Variants in MAGI1 observed in about 807,000 individuals in gnomAD.
MAGI1 encodes the protein membrane-associated guanylate kinase, WW and PDZ domain-containing protein 1.
A neutral mutation model predicts 139.9 loss-of-function variants in MAGI1; 58 were observed. The observed-to-expected ratio is 0.41, with a 90% CI of 0.34 to 0.52. The LOEUF is 0.52. Ranked by LOEUF, MAGI1 falls within the 20% of genes least tolerant of loss-of-function variation. The pLI is 0.12. For missense variants in MAGI1, 1,874 were observed against 1,901.6 expected (o/e 0.99, Z 0.27); for synonymous variants, 812 against 737.9 (o/e 1.10, Z -1.63).
At chr3:65,374,435 A>G (rs1164436821) in intron 18 of MAGI1, among the ~76,000 whole-genome samples, 1 of 146,808 alleles carries the variant, frequency 6.8e-6, no homozygotes, top group African/African-American at 2.5e-5. Flanking sequence ...CTTCTGCCTC[A>G]GCCTCCCAAG....
chr3:65,668,742 C>T (rs569826386), intron 1 of MAGI1, among the ~76,000 whole-genome samples: 2 of 151,112 alleles, frequency 1.3e-5, no homozygotes, highest in South Asian at 2.1e-4. Context: ...TTAGTAGAGA[C>T]GGGGTTTCAC....
At position 65,501,631 on chromosome 3, in the gene MAGI1, G is replaced by T. The variant is rs949103794; in HGVS notation, c.431-8000C>A. Among the ~76,000 whole-genome samples, 3 of 152,004 alleles carry T rather than the reference G, an allele frequency of 2.0e-5. No homozygotes were observed. In the East Asian group the frequency reaches 5.8e-4, roughly 29 times the overall value. On this transcript the variant is annotated intron_variant, in intron 2 of 22. Coordinates refer to ENST00000402939, the MANE Select transcript of MAGI1 (RefSeq NM_001033057.2). ...AGAATACAAAATGGTACAACCATTT[G>T]GGGAAAGAGTTTGGCAGTTAGTTAA...
intron 1 of MAGI1, among the ~76,000 whole-genome samples, chr3:65,937,228 G>C (rs568518595): frequency 7.9e-4 from 120 of 152,234 alleles, no homozygotes; most frequent in African/African-American, 2.8e-3. Context: ...GCTGTCAAAA[G>C]AATGGCAGCC....
intron 1 of MAGI1, among the ~76,000 whole-genome samples, chr3:66,014,181 G>A (rs2067497727): frequency 6.6e-6 from 1 of 152,010 alleles, no homozygotes; most frequent in Non-Finnish European, 1.5e-5. Flanking sequence ...ACTGAAAGAG[G>A]GTACTATTAA....
chr3:65,711,995 T>C (rs1452828115), intron 1 of MAGI1, among the ~76,000 whole-genome samples: 3 of 152,208 alleles, frequency 2.0e-5, no homozygotes, highest in Admixed American at 6.6e-5. Context: ...TGGATTGATA[T>C]CTATCTCCCA....
intron 1 of MAGI1, among the ~76,000 whole-genome samples, chr3:65,946,345 C>T (rs2063544962): frequency 6.6e-6 from 1 of 152,250 alleles, no homozygotes; most frequent in African/African-American, 2.4e-5. Flanking sequence ...GACCTCCCAA[C>T]TTGGTGCCAG....
chr3:65,864,674 A>G (rs2108457385), intron 1 of MAGI1, among the ~76,000 whole-genome samples: 1 of 152,194 alleles, frequency 6.6e-6, no homozygotes, highest in Admixed American at 6.5e-5. Context: ...AGTGGGGAAC[A>G]AGACTCTGCC....
chr3:65,933,057 C>T (rs2106750278), intron 1 of MAGI1, among the ~76,000 whole-genome samples: 1 of 152,318 alleles, frequency 6.6e-6, no homozygotes, highest in Non-Finnish European at 1.5e-5. Context: ...GGGAAGCTTA[C>T]AGTTATACTT....
intron 1 of MAGI1, among the ~76,000 whole-genome samples, chr3:65,731,198 C>G (rs973041984): frequency 3.7e-4 from 57 of 152,214 alleles, no homozygotes; most frequent in African/African-American, 1.3e-3. Context: ...GAGAGAAACC[C>G]TGTCTTCAGA....
intron 10 of MAGI1, among the ~76,000 whole-genome samples, chr3:65,434,746 C>T (rs1467563368): frequency 6.6e-6 from 1 of 152,148 alleles, no homozygotes; most frequent in Non-Finnish European, 1.5e-5. Flanking sequence ...TGGATTTTAA[C>T]TGGTTTCTTT....
At chr3:66,026,996 G>A (rs916701623) in intron 1 of MAGI1, among the ~76,000 whole-genome samples, 2 of 150,920 alleles carry the variant, frequency 1.3e-5, no homozygotes, top group East Asian at 1.9e-4. Context: ...CCGGCTGGGC[G>A]CGGTGGCTCA....
chr3:65,429,615 T>A lies in MAGI1; in HGVS notation c.2072A>T (p.Lys691Met). Residue 691 changes from lysine (K) to methionine (M), a missense_variant, in exon 12 of 23, where the codon AAG becomes ATG. Transcript: ENST00000402939. ...GTGAGTTAGGGCCTGCACGTTCTTCTTATTAACTTCCACTATGAGATCCCC... is the reference window on the plus strand; with the variant it reads ...GTGAGTTAGGGCCTGCACGTTCTTCATATTAACTTCCACTATGAGATCCCC... ...KEGDLIVEVN[K>M]KNVQALTHNQ... 1 of 1,613,988 alleles carries A rather than the reference T, an allele frequency of 6.2e-7. No homozygotes were observed. Among genetic ancestry groups the A allele is most frequent in the Non-Finnish European group, 8.5e-7 (1 of 1,179,928 alleles).
chr3:65,554,208 A>C (rs2079981368), intron 2 of MAGI1, among the ~76,000 whole-genome samples: 1 of 152,218 alleles, frequency 6.6e-6, no homozygotes, highest in African/African-American at 2.4e-5. Context: ...AGGCATGGTC[A>C]AGAGTCACTT....
chr3:65,397,160 T>C (rs1944457613), intron 13 of MAGI1, among the ~76,000 whole-genome samples: 2 of 152,180 alleles, frequency 1.3e-5, no homozygotes, highest in Non-Finnish European at 2.9e-5. Flanking sequence ...TCAATCATCA[T>C]GCTGGTTGTC....
At chr3:65,895,960 C>T (rs1370256528) in intron 1 of MAGI1, among the ~76,000 whole-genome samples, 2 of 152,170 alleles carry the variant, frequency 1.3e-5, no homozygotes, top group Non-Finnish European at 2.9e-5. Context: ...GAAACACTCA[C>T]TCAGCGCCCC....
chr3:65,561,316 C>T (rs563511640), intron 2 of MAGI1, among the ~76,000 whole-genome samples: 1 of 152,224 alleles, frequency 6.6e-6, no homozygotes, highest in South Asian at 2.1e-4. Context: ...TTCTCCCTCA[C>T]CCTTAACAAC....
At chr3:65,959,654 A>T (rs1195602146) in intron 1 of MAGI1, among the ~76,000 whole-genome samples, 1 of 143,728 alleles carries the variant, frequency 7.0e-6, no homozygotes, top group East Asian at 2.0e-4. Context: ...TTATTGAGAC[A>T]AGGTCTCCCT....
At position 65,379,404 on chromosome 3, in the gene MAGI1, A is replaced by ATGCCGCTGGTGCTGCCGC; in HGVS notation, c.2834_2851dup (p.Ser945_Gly950dup). The ATGCCGCTGGTGCTGCCGC allele has an allele frequency of 6.2e-7, 1 of 1,613,150 alleles. No individual in the cohort carries two copies. Among genetic ancestry groups the ATGCCGCTGGTGCTGCCGC allele is most frequent in the Non-Finnish European group, 8.5e-7 (1 of 1,179,368 alleles). On this transcript the variant is annotated inframe_insertion, in exon 17 of 23. Coordinates refer to ENST00000402939, the MANE Select transcript of MAGI1 (RefSeq NM_001033057.2). ...GCTGCCCCCGCCGCCGCCACTGCCG[A>ATGCCGCTGGTGCTGCCGC]TGCCGCTGGTGCTGCCGCTGCCCGA...
chr3:65,356,508 C>G lies in MAGI1; in HGVS notation c.4259G>C (p.Arg1420Thr). Residue 1420 changes from arginine to threonine, a missense_variant, in exon 23 of 23, where the codon AGA becomes ACA. Around this residue, in one of 5 missense-constraint regions of MAGI1, gnomAD observed 653 missense variants for 644.5 expected, o/e 1.01. Transcript: ENST00000402939. ...RRERSLDKRNREDRASHRERE... is the reference protein window; with the variant it reads ...RRERSLDKRNTEDRASHRERE... ...TTCTCGGTGGCTGGCTCTGTCCTCT[C>G]TGTTCCTTTTGTCCAGGGACCGCTC... The G allele has an allele frequency of 1.2e-6, 2 of 1,610,660 alleles. No individual in the cohort carries two copies. The highest frequency in any genetic ancestry group is 1.7e-6 in the Non-Finnish European group (2 of 1,179,750).
Sources: allele counts gnomAD v4.1 joint callset (sites outside exome capture counted in the v4.1 genomes callset), GRCh38; gene constraint gnomAD v4.1.1; regional missense constraint gnomAD v4.1.1; transcripts MANE v1.5; gene names NCBI Gene and HGNC (gene_info 2026-07-23, HGNC 2026-07-21).